The following CDHR3 variants were observed in gnomAD, a reference collection of about 807,000 sequenced individuals.
CDHR3 encodes cadherin-related family member 3.
A neutral mutation model predicts 86.6 loss-of-function variants in CDHR3; 79 were observed. The observed-to-expected ratio is 0.91, with a 90% CI of 0.76 to 1.10. The LOEUF (loss-of-function observed/expected upper bound fraction) is 1.10. Ranked by LOEUF, CDHR3 falls within the 50% of genes least tolerant of loss-of-function variation. The pLI is 0.00. For synonymous variants in CDHR3, 421 were observed against 402.4 expected, an observed-to-expected ratio of 1.05 and a Z score of -0.55; for missense variants, 1,081 against 1,077.6, an observed-to-expected ratio of 1.00 and a Z score of -0.04.
At chr7:106,026,471 TC>T (rs1215699664) in intron 15 of CDHR3, among the ~76,000 whole-genome samples, 1 of 152,132 alleles carries the variant, frequency 6.6e-6, no homozygotes, top group Non-Finnish European at 1.5e-5. Context: ...TCCCAGAACC[TC>T]CCTAGTCCAA....
At chr7:105,980,340 A>G (rs1005843002) in intron 2 of CDHR3, among the ~76,000 whole-genome samples, 1 of 152,194 alleles carries the variant, frequency 6.6e-6, no homozygotes, top group Non-Finnish European at 1.5e-5. Context: ...TACGCGTAAT[A>G]TAAGATGTGC....
At chr7:105,969,467 A>G (rs893329597) in intron 1 of CDHR3, among the ~76,000 whole-genome samples, 2 of 150,762 alleles carry the variant, frequency 1.3e-5, no homozygotes, top group Non-Finnish European at 3.0e-5. Flanking sequence ...AATGGTTTGT[A>G]GCAGCTTGTA....
chr7:105,980,141 A>G (rs1437315460), intron 2 of CDHR3, among the ~76,000 whole-genome samples: 1 of 152,246 alleles, frequency 6.6e-6, no homozygotes, highest in Non-Finnish European at 1.5e-5. Flanking sequence ...AGTAAATATC[A>G]TTACTTACGC....
rs1470153185 is a variant in CDHR3, at chr7:106,030,408, A to G, written c.2305-384A>G. Among the ~76,000 whole-genome samples the G allele has an allele frequency of 6.6e-6, 1 of 152,178 alleles. No homozygotes were observed. The highest frequency in any genetic ancestry group is 1.5e-5 in the Non-Finnish European group (1 of 68,026). ...TGCCTGACAGCAATTCACTGACACA[A>G]CGTAGGTCTTAGCCATGCTGTGTGG... On this transcript the variant is annotated intron_variant, in intron 17 of 18. Coordinates refer to ENST00000317716, the MANE Select transcript of CDHR3 (RefSeq NM_152750.5). This position sits in a 1 kb window ranked among gnomAD's most constrained non-coding sequence, Gnocchi z 4.8.
chr7:105,977,880 G>A (rs757251042), intron 2 of CDHR3, among the ~76,000 whole-genome samples: 15 of 152,188 alleles, frequency 9.9e-5, no homozygotes, highest in Non-Finnish European at 5.9e-5. Flanking sequence ...GTGGTGCAGG[G>A]GGTGGTGAGG....
At chr7:105,996,487 C>T (rs958525623) in intron 6 of CDHR3, 133 bp downstream of exon 6, 72 of 536,648 alleles carry the variant, frequency 1.3e-4, no homozygotes, top group African/African-American at 5.6e-4. Context: ...ATTAGAGGCA[C>T]GTGCTCTTCA....
In CDHR3 at chr7:106,033,041, A is replaced by T. The variant is rs1838608281; in HGVS notation, c.*344A>T. The T allele has an allele frequency of 1.3e-5, 3 of 228,616 alleles. No individual in the cohort carries two copies. The Admixed American group carries it at 1.5e-4, about 11-fold the overall frequency. 14.2% of individuals were successfully genotyped at this position (228,616 alleles called of 1,614,324 possible). ...TGTTCACCATAGAAAGTTTGTAGGA[A>T]TTCCTGACATAAATAGTGAAGACTA... On this transcript the variant is annotated 3_prime_UTR_variant, in exon 19 of 19. Coordinates refer to ENST00000317716, the MANE Select transcript of CDHR3 (RefSeq NM_152750.5).
intron 6 of CDHR3, among the ~76,000 whole-genome samples, chr7:105,999,205 T>C (rs1316284184): frequency 4.6e-5 from 7 of 152,280 alleles, no homozygotes; most frequent in Non-Finnish European, 8.8e-5. Context: ...TGGTCTCCGT[T>C]GAATGATATT....
intron 4 of CDHR3, among the ~76,000 whole-genome samples, chr7:105,985,683 A>G (rs1830423048): frequency 1.3e-5 from 2 of 152,200 alleles, no homozygotes. Context: ...TCACCCATTC[A>G]TTCATTAACT....
At chr7:106,007,571 G>T (rs1834125042) in intron 8 of CDHR3, among the ~76,000 whole-genome samples, 1 of 152,194 alleles carries the variant, frequency 6.6e-6, no homozygotes, top group Non-Finnish European at 1.5e-5. Context: ...AATGCCACCA[G>T]TCTCTTTGCT....
rs755031818 is a variant in CDHR3, at chr7:105,984,218, G to T, written c.442G>T (p.Ala148Ser). ...EGLHLYIVER[A>S]NPGFIYQVEA... ...TCTACACCTCTACATAGTAGAAAGA[G>T]CAAACCCTGGATTCATTTACCAGGT... The change falls in exon 4 of 19, where the codon GCA becomes TCA. Residue 148 changes from alanine (A) to serine (S), a missense_variant. Ala to Ser is a moderately conservative substitution (Grantham distance 99). Transcript: ENST00000317716. 1.6e-4 allele frequency: 250 copies of T among 1,610,000 alleles called. No homozygotes were observed. Among genetic ancestry groups the T allele is most frequent in the Non-Finnish European group, 2.1e-4 (242 of 1,177,316 alleles).
At position 106,032,817 on chromosome 7, in the gene CDHR3, G is replaced by A. The variant is rs1011394905; in HGVS notation, c.*120G>A. 5.7e-6 allele frequency: 6 copies of A among 1,044,634 alleles called. No homozygotes were observed. The highest frequency in any genetic ancestry group is 8.1e-6 in the Non-Finnish European group (6 of 737,412). 64.7% of individuals were successfully genotyped at this position (1,044,634 alleles called of 1,614,324 possible). On this transcript the variant is annotated 3_prime_UTR_variant, in exon 19 of 19. Coordinates refer to ENST00000317716, the MANE Select transcript of CDHR3 (RefSeq NM_152750.5). The stretch of plus-strand genomic sequence containing the variant: ...GGGCTGAGGGGATTCAGACATCCAG[G>A]GTCAAACATGGGATGTTTGACAAAT...
chr7:106,018,776 A>G (rs977763268), intron 12 of CDHR3, among the ~76,000 whole-genome samples: 1 of 151,886 alleles, frequency 6.6e-6, no homozygotes, highest in Non-Finnish European at 1.5e-5. Context: ...CCGTGTTCCT[A>G]CCCTGCCTCT....
At position 105,965,572 on chromosome 7, in the gene CDHR3, C is replaced by CCT. The variant is rs549260201; in HGVS notation, c.46+2209_46+2210insTC. The stretch of plus-strand genomic sequence containing the variant: ...CAAGGCCCAACTCAAGCCCCACCCC[C>CCT]CCCCATGGAGTCTTCCTGGATTGAC... On this transcript the variant is annotated intron_variant, in intron 1 of 18. Coordinates refer to ENST00000317716, the MANE Select transcript of CDHR3 (RefSeq NM_152750.5). 5.2e-5 allele frequency among the ~76,000 whole-genome samples: 6 copies of CCT among 115,584 alleles called. 1 individual carries two copies. The highest frequency in any genetic ancestry group is 1.7e-4 in the African/African-American group (6 of 35,026). 75.8% of individuals were successfully genotyped at this position (115,584 alleles called of 152,430 possible). A position where few individuals can be genotyped will look rare whatever the true frequency, so the allele number is the denominator to read the frequency against.
intron 2 of CDHR3, among the ~76,000 whole-genome samples, chr7:105,979,787 G>A (rs552698361): frequency 4.6e-5 from 7 of 152,284 alleles, no homozygotes; most frequent in Non-Finnish European, 8.8e-5. Flanking sequence ...ATTAATAACC[G>A]AAAGGTTCTA....
chr7:105,983,417 C>A (rs918726289), intron 3 of CDHR3, among the ~76,000 whole-genome samples: 2 of 152,252 alleles, frequency 1.3e-5, no homozygotes, highest in African/African-American at 4.8e-5. Flanking sequence ...GCACTAATTA[C>A]GCTAAAAGAA....
At position 106,036,233 on chromosome 7, in the gene CDHR3, C is replaced by T. The variant is rs140935594; in HGVS notation, c.*3536C>T. ...GAACTGGGAAATGACACTTCTGCTC[C>T]CCAGAGCCCCCTTTCACATCTGGGG... On this transcript the variant is annotated 3_prime_UTR_variant, in exon 19 of 19. Transcript: ENST00000317716. 1 of 152,262 alleles carries T rather than the reference C, an allele frequency of 6.6e-6. No homozygotes were observed. Among genetic ancestry groups the T allele is most frequent in the East Asian group, 1.9e-4 (1 of 5,180 alleles). 9.4% of individuals were successfully genotyped at this position (152,262 alleles called of 1,614,324 possible).
chr7:106,030,981 C>T lies in CDHR3; in HGVS notation c.2353+141C>T. On this transcript the variant is annotated intron_variant, in intron 18 of 18. Transcript: ENST00000317716. The surrounding 1 kb of genome is among the most constrained non-coding windows in gnomAD (Gnocchi z 4.8). The stretch of plus-strand genomic sequence containing the variant: ...TGTTGCCTATATAGTGCTGACTCTT[C>T]TAGGCTAAATACAACGTGAGATCAG... The T allele has an allele frequency of 1.3e-6, 1 of 774,116 alleles. No homozygotes were observed. Among genetic ancestry groups the T allele is most frequent in the Non-Finnish European group, 2.1e-6 (1 of 465,868 alleles). 48.0% of individuals were successfully genotyped at this position (774,116 alleles called of 1,614,324 possible).
chr7:106,008,624 G>A (rs184622184), intron 8 of CDHR3, among the ~76,000 whole-genome samples: 52 of 152,276 alleles, frequency 3.4e-4, no homozygotes, highest in African/African-American at 1.3e-3. Flanking sequence ...TCCATTAGAT[G>A]GGTGGGGACA....
Sources: gnomAD v4.1 joint callset for allele counts (sites outside exome capture counted in the v4.1 genomes callset) on GRCh38, gnomAD v4.1.1 for gene constraint, Gnocchi (gnomAD v3.1) non-coding constraint, MANE v1.5 for transcripts, NCBI Gene and HGNC (gene_info 2026-07-23, HGNC 2026-07-21) for gene names.